Variants in SANBR observed in about 807,000 individuals in gnomAD.
The protein encoded by SANBR is SANT and BTB domain regulator of CSR.
SANBR carries 77 observed loss-of-function variants against 101.8 expected under a neutral mutation model. The ratio of observed to expected loss-of-function variants is 0.76; its 90% confidence interval spans 0.63 to 0.91. The LOEUF (loss-of-function observed/expected upper bound fraction) is 0.91. SANBR is among the 40% of genes least tolerant of loss of function. The probability of loss-of-function intolerance (pLI) is 0.00; values close to 1 mark genes in which losing one functional copy is unlikely to be tolerated. For missense variants in SANBR, 875 were observed against 853.0 expected (o/e 1.03, Z -0.32); for synonymous variants, 279 against 274.7 (o/e 1.02, Z -0.15).
intron 19 of SANBR, 64 bp downstream of exon 19, chr2:61,117,604 C>A: frequency 7.3e-7 from 1 of 1,365,776 alleles, no homozygotes; most frequent in Non-Finnish European, 1.0e-6. Flanking sequence ...GTGTGTGTTT[C>A]ATTTTATACA....
intron 1 of SANBR, among the ~76,000 whole-genome samples, chr2:61,067,876 G>A (rs1287193612): frequency 6.6e-6 from 1 of 152,182 alleles, no homozygotes; most frequent in Non-Finnish European, 1.5e-5. Flanking sequence ...GTCTTTCAAG[G>A]ATTCAAAACT....
At chr2:61,122,072 C>T in intron 21 of SANBR, 54 bp from the exon 22 acceptor site, 1 of 1,536,410 alleles carries the variant, frequency 6.5e-7, no homozygotes, top group Non-Finnish European at 8.8e-7. Context: ...GGAGCACCAA[C>T]TTCCTATTGT....
chr2:61,088,574 C>A (rs1682579531), intron 10 of SANBR, 106 bp downstream of exon 10: 3 of 724,356 alleles, frequency 4.1e-6, no homozygotes, highest in South Asian at 2.8e-5. Context: ...GGCTGGCGTG[C>A]AGTGGTGTGG....
intron 8 of SANBR, among the ~76,000 whole-genome samples, chr2:61,086,844 TA>T (rs1682458267): frequency 6.6e-6 from 1 of 152,120 alleles, no homozygotes; most frequent in Non-Finnish European, 1.5e-5. Flanking sequence ...TTCAAGAATT[TA>T]ATCCTTAAGG....
chr2:61,091,559 C>A (rs544135535), intron 10 of SANBR, among the ~76,000 whole-genome samples: 2 of 149,544 alleles, frequency 1.3e-5, no homozygotes, highest in Admixed American at 6.7e-5. Flanking sequence ...CGCGCCACTT[C>A]ACTCCAGCCT....
chr2:61,096,703 C>T (rs964594914), intron 11 of SANBR, among the ~76,000 whole-genome samples: 4 of 152,094 alleles, frequency 2.6e-5, no homozygotes, highest in African/African-American at 7.2e-5. Context: ...TGTGTACCAT[C>T]GTACCTGGTC....
At chr2:61,070,313 A>G (rs894309014) in intron 2 of SANBR, 29 bp from the exon 3 acceptor site, 1 of 1,518,156 alleles carries the variant, frequency 6.6e-7, no homozygotes, top group African/African-American at 1.4e-5. Context: ...TCGGGTTTAA[A>G]TAAAGCTTTT....
intron 12 of SANBR, among the ~76,000 whole-genome samples, chr2:61,100,907 A>T (rs552670383): frequency 6.0e-4 from 92 of 152,270 alleles, no homozygotes; most frequent in African/African-American, 2.1e-3. Flanking sequence ...GCGTGAGTAC[A>T]GGCAGGGAGA....
At chr2:61,134,416 T>C (rs1684784352) in intron 21 of SANBR, 1 of 797,472 alleles carries the variant, frequency 1.3e-6, no homozygotes, top group Non-Finnish European at 1.9e-6. Flanking sequence ...TTGCTGCCTA[T>C]TGAAATTGTT....
At position 61,070,517 on chromosome 2, in the gene SANBR, C is replaced by G. The variant is rs891625506; in HGVS notation, c.150+17C>G. 3.1e-6 allele frequency: 5 copies of G among 1,593,562 alleles called. No homozygotes were observed. The highest frequency in any genetic ancestry group is 1.7e-4 in the Middle Eastern group (1 of 6,024). Reference sequence around the variant, plus strand: ...CCAAAAGAGGTAAATAACAGTCCCCCCAGAATATCTCCTGAAAATGTTCAG... The same window carrying G: ...CCAAAAGAGGTAAATAACAGTCCCCGCAGAATATCTCCTGAAAATGTTCAG... On this transcript the variant is annotated intron_variant, in intron 3 of 21. Transcript: ENST00000402291.
At chr2:61,082,828 AAAG>A (rs1274874985) in intron 7 of SANBR, among the ~76,000 whole-genome samples, 1 of 152,220 alleles carries the variant, frequency 6.6e-6, no homozygotes, top group Non-Finnish European at 1.5e-5. Context: ...CAGAAAAAAA[AAAG>A]AAGTTTACAT....
chr2:61,067,682 G>C (rs1681252051), intron 1 of SANBR, among the ~76,000 whole-genome samples: 1 of 152,190 alleles, frequency 6.6e-6, no homozygotes, highest in Non-Finnish European at 1.5e-5. Context: ...GTTGCAGTGA[G>C]CCGAGATCGC....
chr2:61,102,511 A>G (rs779695085), intron 12 of SANBR, among the ~76,000 whole-genome samples: 2 of 152,118 alleles, frequency 1.3e-5, no homozygotes, highest in Non-Finnish European at 2.9e-5. Flanking sequence ...ATGAATGCCA[A>G]TACATATTTA....
chr2:61,121,092 A>G (rs1684312393), intron 20 of SANBR, 93 bp from the exon 21 acceptor site: 1 of 904,462 alleles, frequency 1.1e-6, no homozygotes, highest in South Asian at 1.6e-5. Context: ...ATCAAAATAA[A>G]ATTACTTCTA....
chr2:61,078,579 G>A (rs555512731), intron 6 of SANBR, among the ~76,000 whole-genome samples: 3 of 151,724 alleles, frequency 2.0e-5, no homozygotes, highest in East Asian at 2.0e-4. Flanking sequence ...ATGTCACCAC[G>A]CCCTGCTAAT....
chr2:61,074,806 A>G (rs1681674325), intron 5 of SANBR, among the ~76,000 whole-genome samples: 1 of 152,244 alleles, frequency 6.6e-6, no homozygotes, highest in Non-Finnish European at 1.5e-5. Flanking sequence ...CTAGTCTAAA[A>G]AACTATGGAA....
At position 61,122,959 on chromosome 2, in the gene SANBR, C is replaced by T; in HGVS notation, c.*797C>T. ...CACCCACTGTACAGTTCTCAGGGCT[C>T]TAAAACCCAACCATATTTCTGTAAC... On this transcript the variant is annotated 3_prime_UTR_variant, in exon 22 of 22. Transcript: ENST00000402291. The T allele has an allele frequency of 2.0e-6, 2 of 985,078 alleles. No individual in the cohort carries two copies. Among genetic ancestry groups the T allele is most frequent in the Non-Finnish European group, 2.4e-6 (2 of 829,508 alleles). The allele number at this position is 985,078 out of a possible 1,614,324, so 61.0% of individuals were successfully genotyped here.
intron 21 of SANBR, among the ~76,000 whole-genome samples, chr2:61,136,054 C>T (rs1408763483): frequency 6.6e-6 from 1 of 152,200 alleles, no homozygotes; most frequent in Non-Finnish European, 1.5e-5. Flanking sequence ...CCTGTAATCC[C>T]AGCACTCTGG....
At chr2:61,109,760 C>G (rs1309490279) in intron 16 of SANBR, among the ~76,000 whole-genome samples, 3 of 148,190 alleles carry the variant, frequency 2.0e-5, no homozygotes, top group African/African-American at 7.6e-5. Context: ...CCTCTACTTC[C>G]TGGGTTCAAG....
Sources: allele counts gnomAD v4.1 joint callset (sites outside exome capture counted in the v4.1 genomes callset), GRCh38; gene constraint gnomAD v4.1.1; transcripts MANE v1.5; gene names NCBI Gene and HGNC (gene_info 2026-07-23, HGNC 2026-07-21).